ERBB4: variants seen among roughly 807,000 people sequenced by gnomAD.
ERBB4 encodes the protein receptor tyrosine-protein kinase erbB-4.
ERBB4 carries 42 observed loss-of-function variants against 158.0 expected under a neutral mutation model. The ratio of observed to expected loss-of-function variants is 0.27; its 90% CI spans 0.21 to 0.34. The LOEUF is 0.34. ERBB4 is among the 10% of genes least tolerant of loss of function. The pLI is 1.00. For missense variants in ERBB4, 1,333 were observed against 1,624.1 expected (o/e 0.82, Z 3.08); for synonymous variants, 583 against 558.7 (o/e 1.04, Z -0.61).
intron 16 of ERBB4, among the ~76,000 whole-genome samples, chr2:211,646,025 G>A (rs1352399809): frequency 6.6e-6 from 1 of 151,538 alleles, no homozygotes; most frequent in African/African-American, 2.4e-5. Flanking sequence ...CTGATACTAG[G>A]GAATACTAGG....
At chr2:212,307,734 G>A (rs948150790) in intron 1 of ERBB4, among the ~76,000 whole-genome samples, 4 of 151,218 alleles carry the variant, frequency 2.6e-5, no homozygotes, top group South Asian at 2.1e-4. Context: ...ACAGTCTAGT[G>A]TTTAAAATAC....
chr2:211,646,739 C>T (rs1208271428), intron 16 of ERBB4, among the ~76,000 whole-genome samples: 2 of 151,566 alleles, frequency 1.3e-5, no homozygotes, highest in Non-Finnish European at 1.5e-5. Context: ...ATACAGGATG[C>T]TGTTAGATTC....
At chr2:211,973,472 A>T (rs1218693797) in intron 2 of ERBB4, among the ~76,000 whole-genome samples, 2 of 152,178 alleles carry the variant, frequency 1.3e-5, no homozygotes, top group African/African-American at 4.8e-5. Context: ...AAGTGCTGGG[A>T]TTAAAGGCAT....
intron 1 of ERBB4, among the ~76,000 whole-genome samples, chr2:212,278,684 T>TA (rs1187244091): frequency 6.6e-6 from 1 of 151,648 alleles, no homozygotes; most frequent in Non-Finnish European, 1.5e-5. Flanking sequence ...AAATCTGTAT[T>TA]AAAAGTAAGG....
chr2:212,161,290 C>T (rs1024020044), intron 1 of ERBB4, among the ~76,000 whole-genome samples: 1 of 151,836 alleles, frequency 6.6e-6, no homozygotes, highest in Non-Finnish European at 1.5e-5. Context: ...TTTATTAATA[C>T]TTCACTATGA....
intron 20 of ERBB4, among the ~76,000 whole-genome samples, chr2:211,519,205 T>C (rs2066124127): frequency 6.6e-6 from 1 of 152,166 alleles, no homozygotes; most frequent in Non-Finnish European, 1.5e-5. Flanking sequence ...TTTAGAAAGT[T>C]TTAATACAGT....
At chr2:212,535,833 G>A (rs1262019082) in intron 1 of ERBB4, among the ~76,000 whole-genome samples, 2 of 152,118 alleles carry the variant, frequency 1.3e-5, no homozygotes, top group African/African-American at 2.4e-5. Flanking sequence ...TTACAATTAA[G>A]AAATATCTTA....
intron 2 of ERBB4, among the ~76,000 whole-genome samples, chr2:212,038,106 A>C (rs2077056676): frequency 6.6e-6 from 1 of 152,148 alleles, no homozygotes; most frequent in Non-Finnish European, 1.5e-5. Flanking sequence ...GTATATAGAA[A>C]TATGTGATGT....
At position 211,438,145 on chromosome 2, in the gene ERBB4, A is replaced by G. The variant is rs372144846; in HGVS notation, c.2488-7045T>C. Among the ~76,000 whole-genome samples, 3 of 152,330 alleles carry G rather than the reference A, an allele frequency of 2.0e-5. No individual in the cohort carries two copies. The East Asian group carries it at 5.8e-4, about 29-fold the overall frequency. On this transcript the variant is annotated intron_variant, in intron 20 of 27. Transcript: ENST00000342788. The stretch of plus-strand genomic sequence containing the variant: ...TATTGTTAACTAGGTTTATGACCAC[A>G]GGTACTCATTTCACCTCTGCTATAA...
intron 1 of ERBB4, among the ~76,000 whole-genome samples, chr2:212,243,300 A>C (rs906285388): frequency 3.3e-5 from 5 of 152,190 alleles, no homozygotes; most frequent in Non-Finnish European, 7.3e-5. Flanking sequence ...GAAGCCATTT[A>C]TTTCAAAATA....
At chr2:211,705,432 C>T (rs1253685568) in intron 9 of ERBB4, 41 bp from the exon 10 acceptor site, 9 of 1,254,146 alleles carry the variant, frequency 7.2e-6, no homozygotes, top group South Asian at 2.4e-5. Context: ...TTAAATTTTA[C>T]TAAAGGATTG....
At chr2:212,293,490 A>C (rs1234471451) in intron 1 of ERBB4, among the ~76,000 whole-genome samples, 1 of 152,082 alleles carries the variant, frequency 6.6e-6, no homozygotes, top group Non-Finnish European at 1.5e-5. Context: ...TATACAAAAC[A>C]ACCATCATCA....
chr2:211,405,670 C>CTCAA (rs1343292975), intron 25 of ERBB4, among the ~76,000 whole-genome samples: 4 of 152,098 alleles, frequency 2.6e-5, no homozygotes, highest in Admixed American at 1.3e-4. Context: ...CCTTTAACTC[C>CTCAA]TCAATCAATT....
At position 212,259,311 on chromosome 2, in the gene ERBB4, C is replaced by T. The variant is rs759529671; in HGVS notation, c.83-134408G>A. Among the ~76,000 whole-genome samples, 11 of 152,266 alleles carry T rather than the reference C, an allele frequency of 7.2e-5. No individual in the cohort carries two copies. The South Asian group carries it at 2.3e-3, about 32-fold the overall frequency. ...TACTTTAAAATCTATTCTGGGACAA[C>T]TACTTGAAAAGCCAATGAGTCCCCT... is the stretch of plus-strand genomic sequence containing the variant. On this transcript the variant is annotated intron_variant, in intron 1 of 27. Transcript: ENST00000342788.
chr2:211,680,665 A>C (rs1229135135), intron 12 of ERBB4, among the ~76,000 whole-genome samples: 3 of 152,220 alleles, frequency 2.0e-5, no homozygotes, highest in African/African-American at 4.8e-5. Flanking sequence ...TGAAACAGCG[A>C]AACAAATATT....
Position 212,468,564 on chromosome 2 carries a change from G to A in ERBB4, c.82+69885C>T, listed in dbSNP as rs74823089. 5.8e-3 allele frequency among the ~76,000 whole-genome samples: 877 copies of A among 152,264 alleles called. 6 individuals are homozygous for A. Among genetic ancestry groups the A allele is most frequent in the African/African-American group, 0.02 (826 of 41,546 alleles). ...GATTGTGAGGCCTCCCCAGCCATGT[G>A]GAACTGTAAGTCCAATAAACTTCTT... On this transcript the variant is annotated intron_variant, in intron 1 of 27. Transcript: ENST00000342788.
intron 20 of ERBB4, among the ~76,000 whole-genome samples, chr2:211,534,793 G>A (rs1310769755): frequency 6.6e-6 from 1 of 152,058 alleles, no homozygotes; most frequent in Non-Finnish European, 1.5e-5. Flanking sequence ...ATAGGCAGAC[G>A]AAAACAGATG....
At chr2:212,029,641 T>C (rs2125345526) in intron 2 of ERBB4, among the ~76,000 whole-genome samples, 1 of 152,278 alleles carries the variant, frequency 6.6e-6, no homozygotes, top group South Asian at 2.1e-4. Flanking sequence ...ATATCTGAGT[T>C]GTAGGTTTTA....
At chr2:212,129,551 A>T (rs1036686245) in intron 1 of ERBB4, among the ~76,000 whole-genome samples, 2 of 151,858 alleles carry the variant, frequency 1.3e-5, no homozygotes, top group Non-Finnish European at 2.9e-5. Flanking sequence ...TCTTATAATG[A>T]ACATATGCTA....
Sources: gnomAD v4.1 joint callset for allele counts (sites outside exome capture counted in the v4.1 genomes callset) on GRCh38, gnomAD v4.1.1 for gene constraint, MANE v1.5 for transcripts, NCBI Gene and HGNC (gene_info 2026-07-23, HGNC 2026-07-21) for gene names.